The following TENM2 variants were observed in gnomAD, a reference collection of about 807,000 sequenced individuals.
TENM2 encodes teneurin-2.
Under a neutral mutation model 245.2 loss-of-function variants are expected in TENM2, and 52 were observed. That is an observed-to-expected ratio of 0.21 (90% CI 0.17 to 0.27). The LOEUF is 0.27. Ranked by LOEUF, TENM2 falls within the 10% of genes least tolerant of loss-of-function variation. The probability of loss-of-function intolerance (pLI) is 1.00; values close to 1 mark genes in which losing one functional copy is unlikely to be tolerated. For missense variants in TENM2, 3,046 were observed against 3,666.8 expected (o/e 0.83, Z 4.37); for synonymous variants, 1,363 against 1,438.9 (o/e 0.95, Z 1.19).
intron 2 of TENM2, among the ~76,000 whole-genome samples, chr5:167,796,911 GA>G (rs1765362936): frequency 6.6e-6 from 1 of 150,910 alleles, no homozygotes; most frequent in South Asian, 2.1e-4. Flanking sequence ...CTTGAGGATA[GA>G]TTTTTTTTTT....
At chr5:167,625,913 T>C (rs1488062775) in intron 2 of TENM2, among the ~76,000 whole-genome samples, 1 of 152,180 alleles carries the variant, frequency 6.6e-6, no homozygotes, top group Non-Finnish European at 1.5e-5. Context: ...AGTCCCTCCA[T>C]GGGTTGTTTG....
At chr5:167,255,628 T>C in the TENM2 span, among the ~76,000 whole-genome samples, 1 of 152,196 alleles carries the variant, frequency 6.6e-6, no homozygotes, top group African/African-American at 2.4e-5. Context: ...CGATTTTTTG[T>C]GGCCCTGATT....
chr5:168,039,927 C>T (rs921416950), intron 5 of TENM2, among the ~76,000 whole-genome samples: 4 of 152,058 alleles, frequency 2.6e-5, no homozygotes, highest in Admixed American at 1.3e-4. Flanking sequence ...CGGGGAGCCC[C>T]ACGCATCCTG....
intron 2 of TENM2, among the ~76,000 whole-genome samples, chr5:167,526,030 A>G (rs1208954518): frequency 6.6e-6 from 1 of 152,068 alleles, no homozygotes; most frequent in African/African-American, 2.4e-5. Context: ...ATATTCAGAA[A>G]TGGGTCTCCT....
chr5:167,030,663 A>T, the TENM2 span, among the ~76,000 whole-genome samples: 2 of 150,478 alleles, frequency 1.3e-5, no homozygotes, highest in Admixed American at 6.6e-5. Flanking sequence ...CTTCCTTTCT[A>T]CTCCTCGCTT....
chr5:168,205,019 C>CACT (rs1762245451), intron 19 of TENM2, among the ~76,000 whole-genome samples: 1 of 152,194 alleles, frequency 6.6e-6, no homozygotes. Flanking sequence ...TTTGCACATT[C>CACT]ACTAGGATAG....
intron 2 of TENM2, among the ~76,000 whole-genome samples, chr5:167,717,803 C>T (rs1457033381): frequency 6.6e-6 from 1 of 152,182 alleles, no homozygotes; most frequent in East Asian, 1.9e-4. Context: ...AGACTGTAAC[C>T]TCTGTGGGGT....
At chr5:167,919,247 T>G (rs1343195773) in intron 3 of TENM2, among the ~76,000 whole-genome samples, 1 of 152,176 alleles carries the variant, frequency 6.6e-6, no homozygotes, top group Non-Finnish European at 1.5e-5. Context: ...GAGCAGTCAT[T>G]TTGCACCGCC....
At chr5:167,450,995 A>T (rs1765544649) in intron 2 of TENM2, among the ~76,000 whole-genome samples, 1 of 152,222 alleles carries the variant, frequency 6.6e-6, no homozygotes, top group Non-Finnish European at 1.5e-5. Flanking sequence ...CATAAAAATC[A>T]TTATTTCAAA....
rs569702024 is a variant in TENM2, at chr5:167,616,610, A to T, written c.502+241137A>T. On this transcript the variant is annotated intron_variant, in intron 2 of 28. Transcript: ENST00000518659. ...GCTGTAAGGGTATTAGGGAAATCAA[A>T]TCTTCAATATTCTTCAGAATTATTT... Among the ~76,000 whole-genome samples, 119 of 152,222 alleles carry T rather than the reference A, an allele frequency of 7.8e-4. 2 individuals are homozygous for T. Among genetic ancestry groups the T allele is most frequent in the African/African-American group, 2.8e-3 (115 of 41,552 alleles).
chr5:167,258,060 T>C, the TENM2 span, among the ~76,000 whole-genome samples: 3 of 151,914 alleles, frequency 2.0e-5, no homozygotes, highest in African/African-American at 7.2e-5. Flanking sequence ...TAGAACACCA[T>C]TTCAAAATTC....
chr5:167,550,528 C>T (rs1233206395), intron 2 of TENM2, among the ~76,000 whole-genome samples: 1 of 152,108 alleles, frequency 6.6e-6, no homozygotes, highest in African/African-American at 2.4e-5. Context: ...TTCGCACACC[C>T]CTCCTGCATC....
the TENM2 span, among the ~76,000 whole-genome samples, chr5:167,103,251 G>T: frequency 1.3e-5 from 2 of 152,140 alleles, no homozygotes; most frequent in South Asian, 4.1e-4. Flanking sequence ...GGTAGGTATT[G>T]TTTCATCTGA....
the TENM2 span, among the ~76,000 whole-genome samples, chr5:167,213,925 G>A: frequency 1.3e-5 from 2 of 152,304 alleles, no homozygotes; most frequent in South Asian, 2.1e-4. Context: ...GATGGCCAAC[G>A]ATTTGCCAAG....
At chr5:167,172,624 C>CTT in the TENM2 span, among the ~76,000 whole-genome samples, 124 of 139,832 alleles carry the variant, frequency 8.9e-4, no homozygotes, top group African/African-American at 2.8e-3. Context: ...TCATTTTCAT[C>CTT]TTTTTTTTTT....
chr5:167,805,331 G>C (rs1298667790), intron 2 of TENM2, among the ~76,000 whole-genome samples: 3 of 152,168 alleles, frequency 2.0e-5, no homozygotes, highest in African/African-American at 7.2e-5. Flanking sequence ...AATAGGTATT[G>C]GCTCTCCTGA....
chr5:167,969,451 C>T (rs558004308), intron 4 of TENM2, among the ~76,000 whole-genome samples: 1 of 152,316 alleles, frequency 6.6e-6, no homozygotes, highest in East Asian at 1.9e-4. Flanking sequence ...TCCATTAAAC[C>T]TCTTTCTCTT....
chr5:167,447,654 G>T (rs1765311933), intron 2 of TENM2, among the ~76,000 whole-genome samples: 1 of 152,158 alleles, frequency 6.6e-6, no homozygotes, highest in African/African-American at 2.4e-5. Context: ...ACATGGAACT[G>T]CTTCCCCCTG....
chr5:167,461,000 G>C (rs1056341721), intron 2 of TENM2, among the ~76,000 whole-genome samples: 1 of 152,112 alleles, frequency 6.6e-6, no homozygotes, highest in Non-Finnish European at 1.5e-5. Context: ...TTAGCACAAG[G>C]CATCTTTTGA....
Sources: gnomAD v4.1 joint callset for allele counts (sites outside exome capture counted in the v4.1 genomes callset) on GRCh38, gnomAD v4.1.1 for gene constraint, MANE v1.5 for transcripts, NCBI Gene and HGNC (gene_info 2026-07-23, HGNC 2026-07-21) for gene names.